The following RHOJ variants were observed in gnomAD, a reference collection of about 807,000 sequenced individuals.
RHOJ encodes the protein ras homolog family member J.
In RHOJ, 11 loss-of-function variants were observed where a neutral mutation model predicts 23.4. The ratio of observed to expected loss-of-function variants is 0.47; its 90% CI spans 0.30 to 0.78. RHOJ has a LOEUF of 0.78. Among genes scored for constraint, RHOJ ranks in the 30% least tolerant of loss-of-function variants. The probability of loss-of-function intolerance (pLI) is 0.08; values close to 1 mark genes in which losing one functional copy is unlikely to be tolerated. For missense variants in RHOJ, 254 were observed against 273.4 expected, an observed-to-expected ratio of 0.93 and a Z score of 0.50; for synonymous variants, 102 against 102.7, an observed-to-expected ratio of 0.99 and a Z score of 0.04.
chr14:63,288,312 C>A, intron 4 of RHOJ: 2 of 985,434 alleles, frequency 2.0e-6, no homozygotes, highest in Non-Finnish European at 2.4e-6. Context: ...TCCTGCAGGA[C>A]TCCAGGTGTG....
At chr14:63,231,138 C>T (rs1894687355) in intron 1 of RHOJ, among the ~76,000 whole-genome samples, 1 of 152,168 alleles carries the variant, frequency 6.6e-6, no homozygotes, top group Non-Finnish European at 1.5e-5. Context: ...ATCTGCCTGC[C>T]TCGGCCTCCC....
At chr14:63,221,541 A>G (rs2139737787) in intron 1 of RHOJ, among the ~76,000 whole-genome samples, 1 of 152,358 alleles carries the variant, frequency 6.6e-6, no homozygotes, top group South Asian at 2.1e-4. Flanking sequence ...ATGAAAGGAT[A>G]CAGCACTTTT....
chr14:63,290,821 C>G (rs561677249), intron 4 of RHOJ, 57 bp from the exon 5 acceptor site: 1 of 1,541,772 alleles, frequency 6.5e-7, no homozygotes, highest in Admixed American at 1.9e-5. Context: ...TGAGTTGATA[C>G]CACTGTGCTT....
At chr14:63,255,312 G>T (rs1287581276) in intron 1 of RHOJ, among the ~76,000 whole-genome samples, 1 of 152,086 alleles carries the variant, frequency 6.6e-6, no homozygotes, top group Non-Finnish European at 1.5e-5. Context: ...CTGCTGTCCT[G>T]ACCCAGTTGC....
chr14:63,258,334 A>G (rs1280517743), intron 1 of RHOJ, among the ~76,000 whole-genome samples: 2 of 151,732 alleles, frequency 1.3e-5, no homozygotes, highest in African/African-American at 4.8e-5. Context: ...TCAGCCACCC[A>G]TGCTAGCCTT....
rs547918105 is a variant in RHOJ, at chr14:63,276,729, C to T, written c.238-4242C>T. ...AAACAGACTTCTCTCACCTGCCCCACCTACAGTCAACCCAGCAACCCATGG... is the reference window on the plus strand; with the variant it reads ...AAACAGACTTCTCTCACCTGCCCCATCTACAGTCAACCCAGCAACCCATGG... On this transcript the variant is annotated intron_variant, in intron 2 of 4. Coordinates refer to ENST00000316754, the MANE Select transcript of RHOJ (RefSeq NM_020663.5). 3.3e-5 allele frequency among the ~76,000 whole-genome samples: 5 copies of T among 152,308 alleles called. No individual in the cohort carries two copies. In the East Asian group the frequency reaches 9.7e-4, roughly 29 times the overall value.
intron 1 of RHOJ, among the ~76,000 whole-genome samples, chr14:63,259,409 G>A (rs959366454): frequency 6.6e-6 from 1 of 152,194 alleles, no homozygotes; most frequent in African/African-American, 2.4e-5. Context: ...TCAACATTAA[G>A]TGCATCCTTT....
intron 2 of RHOJ, among the ~76,000 whole-genome samples, chr14:63,275,318 C>A (rs557138238): frequency 1.3e-5 from 2 of 152,232 alleles, no homozygotes; most frequent in African/African-American, 4.8e-5. Context: ...TCAAAACAAA[C>A]AAACAAACAA....
chr14:63,225,959 T>C (rs1205419280), intron 1 of RHOJ, among the ~76,000 whole-genome samples: 1 of 152,140 alleles, frequency 6.6e-6, no homozygotes, highest in Non-Finnish European at 1.5e-5. Flanking sequence ...TCTGAAGACA[T>C]AGTCTTTGTA....
At chr14:63,276,244 T>G (rs1252215762) in intron 2 of RHOJ, among the ~76,000 whole-genome samples, 1 of 152,156 alleles carries the variant, frequency 6.6e-6, no homozygotes, top group Non-Finnish European at 1.5e-5. Flanking sequence ...CACCTGGGAA[T>G]GTGTATTTCT....
chr14:63,219,963 G>C (rs548046706), intron 1 of RHOJ, among the ~76,000 whole-genome samples: 4 of 152,234 alleles, frequency 2.6e-5, no homozygotes, highest in Admixed American at 2.0e-4. Flanking sequence ...AAATTTCACC[G>C]TAGTACTATT....
intron 1 of RHOJ, among the ~76,000 whole-genome samples, chr14:63,219,881 T>A (rs1478943214): frequency 1.3e-5 from 2 of 151,832 alleles, no homozygotes; most frequent in Non-Finnish European, 2.9e-5. Context: ...AATTTCTACA[T>A]GAAGGGGAAT....
chr14:63,273,887 A>G (rs1895516077), intron 2 of RHOJ, among the ~76,000 whole-genome samples: 1 of 152,186 alleles, frequency 6.6e-6, no homozygotes, highest in Non-Finnish European at 1.5e-5. Flanking sequence ...AGGGTGAACC[A>G]CTGCATGTGG....
chr14:63,288,163 T>G, intron 4 of RHOJ: 1 of 985,130 alleles, frequency 1.0e-6, no homozygotes, highest in African/African-American at 1.7e-5. Context: ...AATAATGCCT[T>G]TATCTGCTAT....
At chr14:63,239,476 G>A (rs1276200246) in intron 1 of RHOJ, among the ~76,000 whole-genome samples, 1 of 152,174 alleles carries the variant, frequency 6.6e-6, no homozygotes, top group Non-Finnish European at 1.5e-5. Context: ...CCATGTTACA[G>A]GGAAACTCTG....
chr14:63,209,633 G>A (rs953733512), intron 1 of RHOJ, among the ~76,000 whole-genome samples: 1 of 152,016 alleles, frequency 6.6e-6, no homozygotes, highest in Admixed American at 6.6e-5. Flanking sequence ...ATATGTATTT[G>A]CTATCTCCAG....
chr14:63,284,494 T>C (rs917868402), intron 4 of RHOJ: 5 of 334,342 alleles, frequency 1.5e-5, no homozygotes, highest in African/African-American at 1.1e-4. Context: ...GACAAGCACA[T>C]AGCTAATAAC....
At chr14:63,242,487 T>C (rs1230821927) in intron 1 of RHOJ, among the ~76,000 whole-genome samples, 3 of 152,106 alleles carry the variant, frequency 2.0e-5, no homozygotes, top group Non-Finnish European at 4.4e-5. Flanking sequence ...GAGGATCACT[T>C]AAGCCCAGGA....
intron 2 of RHOJ, among the ~76,000 whole-genome samples, chr14:63,280,459 T>A (rs1352218451): frequency 6.6e-6 from 1 of 152,178 alleles, no homozygotes; most frequent in Non-Finnish European, 1.5e-5. Context: ...ACAGCTGTAA[T>A]ATACAGCATG....
Sources: gnomAD v4.1 joint callset for allele counts (sites outside exome capture counted in the v4.1 genomes callset) on GRCh38, gnomAD v4.1.1 for gene constraint, MANE v1.5 for transcripts, NCBI Gene and HGNC (gene_info 2026-07-23, HGNC 2026-07-21) for gene names.